LIG1: variants seen among roughly 807,000 people sequenced by gnomAD.
The protein encoded by LIG1 is DNA ligase 1.
Under a neutral mutation model 115.7 loss-of-function variants are expected in LIG1, and 70 were observed. The ratio of observed to expected loss-of-function variants is 0.60; its 90% confidence interval spans 0.50 to 0.74. The LOEUF is 0.74. Ranked by LOEUF, LIG1 falls within the 30% of genes least tolerant of loss-of-function variation. The pLI is 0.00. For synonymous variants in LIG1, 487 were observed against 495.3 expected (o/e 0.98, Z 0.22); for missense variants, 1,115 against 1,225.6 (o/e 0.91, Z 1.35).
chr19:48,135,891 G>GCGCCCAC, intron 15 of LIG1, 112 bp from the exon 16 acceptor site: 2 of 928,770 alleles, frequency 2.2e-6, no homozygotes, highest in Non-Finnish European at 3.4e-6. Flanking sequence ...GGCCCAAGAC[G>GCGCCCAC]CCCCCTCCCC....
intron 6 of LIG1, among the ~76,000 whole-genome samples, chr19:48,153,571 C>T (rs1421041541): frequency 1.3e-5 from 2 of 151,542 alleles, no homozygotes; most frequent in African/African-American, 4.9e-5. Context: ...GATGCCTGGA[C>T]ACAGGCATCA....
In LIG1 at chr19:48,159,601, G is replaced by C. The variant is rs554579188; in HGVS notation, c.243+1771C>G. Among the ~76,000 whole-genome samples the C allele has an allele frequency of 3.8e-3, 580 of 152,368 alleles. 2 individuals carry two copies. Among genetic ancestry groups the C allele is most frequent in the African/African-American group, 0.013 (560 of 41,582 alleles). Reference sequence around the variant, plus strand: ...TACCCTGGACTATCCAGGTGGGCCTGATATAGTCACAGGGGCCTTCAAAGT... The same window carrying C: ...TACCCTGGACTATCCAGGTGGGCCTCATATAGTCACAGGGGCCTTCAAAGT... On this transcript the variant is annotated intron_variant, in intron 4 of 27. Coordinates refer to ENST00000263274, the MANE Select transcript of LIG1 (RefSeq NM_000234.3).
At chr19:48,128,120 C>A in intron 19 of LIG1, 100 bp from the exon 20 acceptor site, 1 of 905,254 alleles carries the variant, frequency 1.1e-6, no homozygotes, top group South Asian at 1.3e-5. Flanking sequence ...CTGCAGCTCT[C>A]AAGATGCACT....
intron 9 of LIG1, among the ~76,000 whole-genome samples, chr19:48,145,546 T>TGATGA: frequency 6.6e-6 from 1 of 151,914 alleles, no homozygotes; most frequent in South Asian, 2.1e-4. Flanking sequence ...CAGCTGATTC[T>TGATGA]GATGCTCACA....
At chr19:48,125,041 A>T (rs1891190363) in intron 21 of LIG1, among the ~76,000 whole-genome samples, 2 of 152,042 alleles carry the variant, frequency 1.3e-5, no homozygotes, top group African/African-American at 4.8e-5. Flanking sequence ...GGGGATGAGG[A>T]CACATTAAAC....
intron 5 of LIG1, 136 bp from the exon 6 acceptor site, chr19:48,154,103 C>A: frequency 1.3e-6 from 1 of 763,710 alleles, no homozygotes. Flanking sequence ...CAGTCACTGC[C>A]CCAGTGCAGG....
intron 14 of LIG1, 44 bp downstream of exon 14, chr19:48,136,964 A>G (rs780382796): frequency 1.3e-6 from 2 of 1,490,200 alleles, no homozygotes; most frequent in Non-Finnish European, 1.9e-6. Context: ...TTCACCTCCG[A>G]GCCTGCAGTC....
rs1053258886 is a variant in LIG1, at chr19:48,137,738, C to T, written c.1088-50G>A. On this transcript the variant is annotated intron_variant, in intron 12 of 27. Coordinates refer to ENST00000263274, the MANE Select transcript of LIG1 (RefSeq NM_000234.3). This position sits in a 1 kb window ranked among gnomAD's most constrained non-coding sequence, Gnocchi z 4.3. The stretch of plus-strand genomic sequence containing the variant: ...GTGTCGAGGGTGACAGTTGTGGCTG[C>T]GTGTCTCCCTTCTCTCGCGGCCTGG... 1.8e-5 allele frequency: 28 copies of T among 1,593,170 alleles called. No homozygotes were observed. The highest frequency in any genetic ancestry group is 4.0e-5 in the African/African-American group (3 of 74,772).
Position 48,120,927 on chromosome 19 carries a change from A to G in LIG1, c.2385+243T>C, listed in dbSNP as rs1050100512. Reference sequence around the variant, plus strand: ...TTCTTTTCTTATGTGAGCCACCACTATTTGTAGCTAATCTCAATCTCTCAC... The same window carrying G: ...TTCTTTTCTTATGTGAGCCACCACTGTTTGTAGCTAATCTCAATCTCTCAC... On this transcript the variant is annotated intron_variant, in intron 24 of 27. Transcript: ENST00000263274. The G allele has an allele frequency of 3.7e-6, 5 of 1,344,274 alleles. No individual in the cohort carries two copies. In the Admixed American group the frequency reaches 1.1e-4, roughly 28 times the overall value. 83.3% of individuals were successfully genotyped at this position (1,344,274 alleles called of 1,614,324 possible).
intron 4 of LIG1, among the ~76,000 whole-genome samples, chr19:48,157,794 G>C (rs1033664822): frequency 6.6e-6 from 1 of 152,130 alleles, no homozygotes; most frequent in Non-Finnish European, 1.5e-5. Context: ...CGATCCTCCC[G>C]CCTTGGCCTC....
intron 17 of LIG1, among the ~76,000 whole-genome samples, chr19:48,133,646 AGT>A (rs765364415): frequency 6.6e-6 from 1 of 152,052 alleles, no homozygotes; most frequent in Non-Finnish European, 1.5e-5. Flanking sequence ...GCCCAGCTGG[AGT>A]GCAGTAGCGC....
Position 48,119,131 on chromosome 19 carries a change from G to T in LIG1, c.2439+6C>A, listed in dbSNP as rs768157620. 1.8e-5 allele frequency: 28 copies of T among 1,575,860 alleles called. No homozygotes were observed. The Admixed American group carries it at 5.1e-4, about 29-fold the overall frequency. ...TGGAGGCTGAGGCGCAGCCGCCATG[G>T]CTCACCTTGAGGCTCTGGTGATGCT... On this transcript the variant is annotated splice_donor_region_variant and intron_variant, in intron 25 of 27. Coordinates refer to ENST00000263274, the MANE Select transcript of LIG1 (RefSeq NM_000234.3).
At chr19:48,136,242 G>T (rs980830314) in intron 14 of LIG1, 117 bp from the exon 15 acceptor site, 1 of 730,000 alleles carries the variant, frequency 1.4e-6, no homozygotes, top group Non-Finnish European at 2.3e-6. Context: ...AAAACCAGAA[G>T]AATCTTCAGA....
At chr19:48,160,071 C>T (rs2036086011) in intron 4 of LIG1, among the ~76,000 whole-genome samples, 1 of 152,190 alleles carries the variant, frequency 6.6e-6, no homozygotes. Flanking sequence ...AAGGCAATTC[C>T]TGGATTCTCC....
rs773090408 is a variant in LIG1, at chr19:48,133,058, C to T, written c.1649G>A (p.Gly550Asp). Reference protein sequence around the residue: ...LKPMLAHPTRGISEVLKRFEE... With the variant: ...LKPMLAHPTRDISEVLKRFEE... ...AAAGCGTTTCAGGACCTCGCTGATG[C>T]CCCGGGTGGGATGGGCCAACATTGG... Residue 550 changes from glycine to aspartate, a missense_variant, in exon 18 of 28, where the codon GGC becomes GAC. By Grantham distance (94) the Gly-to-Asp change is moderately conservative. Transcript: ENST00000263274. The T allele has an allele frequency of 6.2e-7, 1 of 1,614,034 alleles. No homozygotes were observed. The highest frequency in any genetic ancestry group is 1.7e-5 in the Admixed American group (1 of 60,022).
At chr19:48,126,653 T>C (rs1045852021) in intron 21 of LIG1, among the ~76,000 whole-genome samples, 1 of 151,448 alleles carries the variant, frequency 6.6e-6, no homozygotes, top group Middle Eastern at 3.2e-3. Flanking sequence ...AGCTTGTTCA[T>C]GTGGGTTACA....
chr19:48,131,065 C>G lies in LIG1; in HGVS notation c.1821+11G>C. The G allele has an allele frequency of 6.2e-7, 1 of 1,611,316 alleles. No individual in the cohort carries two copies. Among genetic ancestry groups the G allele is most frequent in the Non-Finnish European group, 8.5e-7 (1 of 1,177,410 alleles). ...ACCCTGGCAGAGTGCAAGTGTGTGG[C>G]AGACGCCCACCTTGGGGATGCGGCT... is the stretch of plus-strand genomic sequence containing the variant. On this transcript the variant is annotated intron_variant, in intron 19 of 27. Transcript: ENST00000263274.
At chr19:48,149,419 C>T (rs1242163636) in intron 9 of LIG1, among the ~76,000 whole-genome samples, 1 of 152,136 alleles carries the variant, frequency 6.6e-6, no homozygotes, top group African/African-American at 2.4e-5. Context: ...CTCTGGGGAA[C>T]CCTAGAGGGG....
intron 5 of LIG1, among the ~76,000 whole-genome samples, chr19:48,155,595 C>T (rs1028663880): frequency 1.3e-5 from 2 of 152,224 alleles, no homozygotes; most frequent in Non-Finnish European, 2.9e-5. Context: ...TGGCAAGCCA[C>T]GTATGTAACC....
Sources: gnomAD v4.1 joint callset for allele counts (sites outside exome capture counted in the v4.1 genomes callset) on GRCh38, gnomAD v4.1.1 for gene constraint, Gnocchi (gnomAD v3.1) non-coding constraint, MANE v1.5 for transcripts, NCBI Gene and HGNC (gene_info 2026-07-23, HGNC 2026-07-21) for gene names.